PDE1C: variants seen among roughly 807,000 people sequenced by gnomAD.
The protein encoded by PDE1C is phosphodiesterase 1C, also known as dual specificity calcium/calmodulin-dependent 3',5'-cyclic nucleotide phosphodiesterase 1C.
PDE1C carries 62 observed loss-of-function variants against 93.1 expected under a neutral mutation model. The ratio of observed to expected loss-of-function variants is 0.67; its 90% CI spans 0.54 to 0.82. PDE1C has a LOEUF of 0.82. Among genes scored for constraint, PDE1C ranks in the 40% least tolerant of loss-of-function variants. The probability of loss-of-function intolerance (pLI) is 0.00; values close to 1 mark genes in which losing one functional copy is unlikely to be tolerated. For synonymous variants in PDE1C, 325 were observed against 310.1 expected (o/e 1.05, Z -0.50); for missense variants, 742 against 884.6 (o/e 0.84, Z 2.04).
chr7:31,733,628 T>C, the PDE1C span, among the ~76,000 whole-genome samples: 1 of 152,240 alleles, frequency 6.6e-6, no homozygotes, highest in Non-Finnish European at 1.5e-5. Flanking sequence ...TGACACTACA[T>C]ACCCATACAT....
intron 1 of PDE1C, among the ~76,000 whole-genome samples, chr7:32,236,226 CA>C: frequency 6.6e-6 from 1 of 152,042 alleles, no homozygotes; most frequent in East Asian, 1.9e-4. Context: ...AGACATACCA[CA>C]TTCATGTATT....
chr7:32,301,300 G>A (rs992123460), upstream of PDE1C, among the ~76,000 whole-genome samples: 6 of 151,848 alleles, frequency 4.0e-5, no homozygotes, highest in Non-Finnish European at 8.8e-5. Context: ...GTCTCCTGTA[G>A]TAAATTATCA....
chr7:31,738,040 C>T, the PDE1C span, among the ~76,000 whole-genome samples: 4 of 152,216 alleles, frequency 2.6e-5, no homozygotes, highest in Admixed American at 1.3e-4. Context: ...CCCACCTTTC[C>T]GCTGCTGTCA....
the PDE1C span, chr7:31,697,024 A>G: frequency 1.2e-6 from 2 of 1,614,220 alleles, no homozygotes; most frequent in Non-Finnish European, 8.5e-7. Flanking sequence ...TCCAAAGGGC[A>G]AAATGATCCC....
At position 31,974,609 on chromosome 7, in the gene PDE1C, T is replaced by C. The variant is rs530071180; in HGVS notation, c.128+76945A>G. On this transcript the variant is annotated intron_variant, in intron 2 of 17. Coordinates refer to ENST00000396191, the MANE Select transcript of PDE1C (RefSeq NM_001191057.4). ...TGGTACAAACTGAGTGTTGAACACA[T>C]ATAACCTTAATGGATAAAAGGCAGG... Among the ~76,000 whole-genome samples the C allele has an allele frequency of 4.0e-5, 6 of 151,630 alleles. No homozygotes were observed. The East Asian group carries it at 1.2e-3, about 30-fold the overall frequency.
intron 3 of PDE1C, among the ~76,000 whole-genome samples, chr7:32,123,734 C>T (rs1172675166): frequency 6.6e-6 from 1 of 152,168 alleles, no homozygotes; most frequent in Non-Finnish European, 1.5e-5. Context: ...TTATTACAAA[C>T]CCACAGCCAA....
downstream of PDE1C, among the ~76,000 whole-genome samples, chr7:31,746,771 G>A (rs1418808830): frequency 1.3e-5 from 2 of 152,066 alleles, no homozygotes; most frequent in African/African-American, 4.8e-5. Flanking sequence ...AAAAATTAGG[G>A]AATTTTTTTT....
the PDE1C span, among the ~76,000 whole-genome samples, chr7:31,638,455 G>GA: frequency 6.6e-6 from 1 of 152,092 alleles, no homozygotes; most frequent in African/African-American, 2.4e-5. Flanking sequence ...ATAATAACAG[G>GA]TGTTTATGTT....
intron 3 of PDE1C, chr7:31,879,400 C>G (rs1796983246): frequency 2.0e-6 from 1 of 497,056 alleles, no homozygotes; most frequent in African/African-American, 1.9e-5. Context: ...GGATGGTTCT[C>G]TCTACCAGAC....
At chr7:32,037,254 C>T (rs1369018576) in intron 2 of PDE1C, among the ~76,000 whole-genome samples, 1 of 152,138 alleles carries the variant, frequency 6.6e-6, no homozygotes, top group African/African-American at 2.4e-5. Context: ...AATGGCCACA[C>T]TGCATGTTCT....
chr7:32,274,953 G>A (rs1811189308), intron 1 of PDE1C, among the ~76,000 whole-genome samples: 1 of 152,174 alleles, frequency 6.6e-6, no homozygotes, highest in African/African-American at 2.4e-5. Context: ...TGAATCAAAT[G>A]TTTGCCCAAT....
intron 1 of PDE1C, among the ~76,000 whole-genome samples, chr7:32,232,224 A>T (rs1029240385): frequency 2.0e-5 from 3 of 152,202 alleles, no homozygotes; most frequent in Non-Finnish European, 4.4e-5. Flanking sequence ...ATCTCGTCTC[A>T]AGGCAATCCA....
chr7:32,054,693 G>A (rs773492743), intron 1 of PDE1C, among the ~76,000 whole-genome samples: 16 of 152,200 alleles, frequency 1.1e-4, no homozygotes, highest in East Asian at 3.9e-4. Flanking sequence ...CACGCCCCTC[G>A]TTCATAGATA....
chr7:31,856,555 T>C (rs1419934010), intron 7 of PDE1C, among the ~76,000 whole-genome samples: 1 of 152,132 alleles, frequency 6.6e-6, no homozygotes, highest in East Asian at 1.9e-4. Context: ...GTCCCCAGAG[T>C]ACACTCTGCA....
intron 2 of PDE1C, among the ~76,000 whole-genome samples, chr7:31,915,604 C>G (rs1328142792): frequency 6.6e-6 from 1 of 152,168 alleles, no homozygotes; most frequent in African/African-American, 2.4e-5. Flanking sequence ...TAAACAGCTA[C>G]ACTAACTTCT....
At chr7:32,280,513 A>G (rs1416698442) in intron 1 of PDE1C, among the ~76,000 whole-genome samples, 1 of 152,230 alleles carries the variant, frequency 6.6e-6, no homozygotes, top group Admixed American at 6.5e-5. Context: ...TAATTAAATT[A>G]ATTTAATAAA....
chr7:31,865,134 G>A, intron 6 of PDE1C, 52 bp from the exon 7 acceptor site: 2 of 1,601,118 alleles, frequency 1.2e-6, no homozygotes, highest in African/African-American at 2.7e-5. Flanking sequence ...GCTTTCAATG[G>A]AGACACAGAA....
intron 3 of PDE1C, among the ~76,000 whole-genome samples, chr7:32,109,198 G>A (rs925592319): frequency 6.6e-6 from 1 of 151,786 alleles, no homozygotes; most frequent in Non-Finnish European, 1.5e-5. Flanking sequence ...TTGTTATGAT[G>A]GCCAGAAAAA....
Position 32,180,107 on chromosome 7 carries a change from A to T in PDE1C, c.137-10151T>A, listed in dbSNP as rs151073649. Among the ~76,000 whole-genome samples, 673 of 152,296 alleles carry T rather than the reference A, an allele frequency of 4.4e-3. 8 individuals are homozygous for T. Among genetic ancestry groups the T allele is most frequent in the African/African-American group, 0.015 (624 of 41,568 alleles). ...ACTTTATGCTCACTAAAACAAAACA[A>T]TAATGATGGTACAAAAAATAAAGTA... On this transcript the variant is annotated intron_variant, in intron 2 of 18. Coordinates refer to the PDE1C transcript ENST00000396193.
Sources: allele counts gnomAD v4.1 joint callset (sites outside exome capture counted in the v4.1 genomes callset), GRCh38; gene constraint gnomAD v4.1.1; transcripts MANE v1.5; gene names NCBI Gene and HGNC (gene_info 2026-07-23, HGNC 2026-07-21).